Variants in VIT observed in about 807,000 individuals in gnomAD.
The protein encoded by VIT is vitrin.
Under a neutral mutation model 78.0 loss-of-function variants are expected in VIT, and 99 were observed. That is an observed-to-expected ratio of 1.27 (90% CI 1.08 to 1.50). The LOEUF is 1.50. VIT is among the 40% of genes most tolerant of loss of function. VIT has a pLI of 0.00. For synonymous variants in VIT, 374 were observed against 334.3 expected (o/e 1.12, Z -1.29); for missense variants, 1,126 against 875.3 (o/e 1.29, Z -3.61).
chr2:36,785,885 ATTC>A (rs747827215), intron 11 of VIT, among the ~76,000 whole-genome samples: 9 of 152,202 alleles, frequency 5.9e-5, no homozygotes, highest in Admixed American at 2.0e-4. Context: ...TTTCTCATCA[ATTC>A]TTCTGCTCAA....
At chr2:36,771,511 G>C (rs1455964153) in intron 7 of VIT, among the ~76,000 whole-genome samples, 4 of 145,122 alleles carry the variant, frequency 2.8e-5, no homozygotes, top group Non-Finnish European at 3.0e-5. Flanking sequence ...GGGTAATAGA[G>C]TGAGACTTCA....
In VIT at chr2:36,708,459, G is replaced by C. The variant is rs151145682; in HGVS notation, c.-18-7894G>C. ...TGCTAGGGCAGATTTTTTTCCAAGC[G>C]AGTGGCTCAAGTAAGCCTCTAGGGG... is the stretch of plus-strand genomic sequence containing the variant. On this transcript the variant is annotated intron_variant, in intron 1 of 15. Transcript: ENST00000379242. Among the ~76,000 whole-genome samples, 873 of 152,178 alleles carry C rather than the reference G, an allele frequency of 5.7e-3. 8 individuals carry two copies. In the Middle Eastern group the frequency reaches 0.058, roughly 10 times the overall value.
chr2:36,749,189 G>A (rs1668313536), intron 4 of VIT, among the ~76,000 whole-genome samples: 2 of 152,176 alleles, frequency 1.3e-5, no homozygotes, highest in African/African-American at 2.4e-5. Context: ...TGTATGTGCT[G>A]AGCAAGGAAA....
chr2:36,697,414 A>T (rs1664747380), intron 1 of VIT, among the ~76,000 whole-genome samples: 1 of 152,246 alleles, frequency 6.6e-6, no homozygotes, highest in Non-Finnish European at 1.5e-5. Context: ...CATTGGTGCT[A>T]ACTTAAAAGA....
At chr2:36,787,408 G>A in intron 12 of VIT, 132 bp downstream of exon 12, 1 of 1,248,972 alleles carries the variant, frequency 8.0e-7, no homozygotes, top group Non-Finnish European at 1.1e-6. Context: ...CTTCCCTAAT[G>A]CAAATGTAAA....
At chr2:36,707,355 A>AC (rs376338128) in intron 1 of VIT, among the ~76,000 whole-genome samples, 101 of 151,810 alleles carry the variant, frequency 6.7e-4, no homozygotes, top group African/African-American at 2.4e-3. Flanking sequence ...CAGCCAGCAG[A>AC]CCCCCAACAA....
At chr2:36,770,378 T>C (rs1307177633) in intron 7 of VIT, among the ~76,000 whole-genome samples, 1 of 152,152 alleles carries the variant, frequency 6.6e-6, no homozygotes, top group Admixed American at 6.5e-5. Flanking sequence ...TGGAGAGGGC[T>C]CAAGGGAGAG....
At chr2:36,706,861 C>A (rs1202788458) in intron 1 of VIT, among the ~76,000 whole-genome samples, 1 of 152,214 alleles carries the variant, frequency 6.6e-6, no homozygotes, top group East Asian at 1.9e-4. Context: ...ATCATAGAAT[C>A]ATTTGAAACT....
rs1484578243 is a variant in VIT at position 36,814,190 on chromosome 2, C to T, written c.1911C>T (p.Ile637=). ...TAACCTTTGTCCCCACAGGAGTGAT[C>T]ACCTATGCGATAGGCGTTGCCTGGG... ...PAMAAHLKGV[I]TYAIGVAWAA... The change falls in exon 16 of 16, where the codon ATC becomes ATT. Residue 637 remains isoleucine (I), a synonymous_variant. Coordinates refer to ENST00000379242, the MANE Select transcript of VIT (RefSeq NM_053276.4). 6.2e-7 allele frequency: 1 copy of T among 1,614,076 alleles called. No individual in the cohort carries two copies. The highest frequency in any genetic ancestry group is 1.3e-5 in the African/African-American group (1 of 74,934).
At chr2:36,760,119 C>T (rs191968034) in intron 6 of VIT, among the ~76,000 whole-genome samples, 29 of 152,100 alleles carry the variant, frequency 1.9e-4, no homozygotes, top group African/African-American at 6.3e-4. Context: ...CTCAGCCTCC[C>T]GAGTAGCTGT....
At chr2:36,768,968 A>G (rs1669598642) in intron 7 of VIT, among the ~76,000 whole-genome samples, 1 of 152,242 alleles carries the variant, frequency 6.6e-6, no homozygotes, top group Non-Finnish European at 1.5e-5. Context: ...GAATAAGAAT[A>G]CCGCAAAAAG....
At chr2:36,814,100 C>T (rs1667387405) in intron 15 of VIT, 83 bp from the exon 16 acceptor site, 2 of 1,516,918 alleles carry the variant, frequency 1.3e-6, no homozygotes, top group Non-Finnish European at 1.8e-6. Flanking sequence ...TTTGGCTGTG[C>T]CAACAGGGCC....
Position 36,755,110 on chromosome 2 carries a change from C to T in VIT, c.409+56C>T, listed in dbSNP as rs955261529. 7.0e-5 allele frequency: 108 copies of T among 1,550,186 alleles called. No individual in the cohort carries two copies. In the Admixed American group the frequency reaches 8.8e-4, roughly 13 times the overall value. On this transcript the variant is annotated intron_variant, in intron 5 of 15. Transcript: ENST00000379242. ...AACCTACCACAAGATGAAATGTGCT[C>T]TTTTCATTGTGCTGTTGGTTTTTGT...
At chr2:36,738,351 T>G (rs1667632757) in intron 3 of VIT, among the ~76,000 whole-genome samples, 1 of 152,190 alleles carries the variant, frequency 6.6e-6, no homozygotes, top group Admixed American at 6.5e-5. Context: ...CAATTGTTAA[T>G]TGAACAAATT....
chr2:36,750,549 G>T (rs1668394046), intron 4 of VIT, among the ~76,000 whole-genome samples: 1 of 152,176 alleles, frequency 6.6e-6, no homozygotes. Flanking sequence ...ATCACTAGGT[G>T]CGGTGGCTCA....
At chr2:36,804,899 A>G (rs1216310260) in intron 13 of VIT, among the ~76,000 whole-genome samples, 4 of 152,282 alleles carry the variant, frequency 2.6e-5, no homozygotes, top group Non-Finnish European at 4.4e-5. Flanking sequence ...GGAGACAATT[A>G]GAAGTTGAAG....
chr2:36,699,621 T>TGGGTAG (rs1664910280), intron 1 of VIT, among the ~76,000 whole-genome samples: 1 of 108,016 alleles, frequency 9.3e-6, no homozygotes, highest in East Asian at 2.4e-4. Context: ...TAGATAGATA[T>TGGGTAG]ATAGGTAGAT....
intron 3 of VIT, among the ~76,000 whole-genome samples, chr2:36,738,633 G>A (rs904500938): frequency 6.6e-6 from 1 of 152,124 alleles, no homozygotes; most frequent in Non-Finnish European, 1.5e-5. Context: ...TTATATTCTA[G>A]TAGATGAATG....
At chr2:36,776,338 C>A (rs1670042796) in intron 9 of VIT, among the ~76,000 whole-genome samples, 2 of 152,202 alleles carry the variant, frequency 1.3e-5, no homozygotes, top group Admixed American at 6.5e-5. Flanking sequence ...CAACATATCA[C>A]AACTGACTGC....
Sources: allele counts gnomAD v4.1 joint callset (sites outside exome capture counted in the v4.1 genomes callset), GRCh38; gene constraint gnomAD v4.1.1; transcripts MANE v1.5; gene names NCBI Gene and HGNC (gene_info 2026-07-23, HGNC 2026-07-21).